KHDRBS1: variants seen among roughly 807,000 people sequenced by gnomAD.
KHDRBS1 encodes KH RNA binding domain containing, signal transduction associated 1.
Under a neutral mutation model 48.4 loss-of-function variants are expected in KHDRBS1, and 7 were observed. That is an observed-to-expected ratio of 0.14 (90% CI 0.08 to 0.27). KHDRBS1 has a LOEUF of 0.27. KHDRBS1 is among the 10% of genes least tolerant of loss of function. The pLI, the probability that KHDRBS1 is intolerant of heterozygous loss-of-function variation, is 1.00. For synonymous variants in KHDRBS1, 241 were observed against 235.8 expected (o/e 1.02, Z -0.20); for missense variants, 458 against 601.2 (o/e 0.76, Z 2.49).
At chr1:32,023,977 C>T (rs952045208) in intron 1 of KHDRBS1, among the ~76,000 whole-genome samples, 10 of 152,186 alleles carry the variant, frequency 6.6e-5, no homozygotes, top group South Asian at 4.1e-4. Flanking sequence ...AGAGGCCTGG[C>T]GCGGTGGCTC....
At chr1:32,047,740 G>A (rs996881153), downstream of KHDRBS1, among the ~76,000 whole-genome samples, 4 of 152,118 alleles carry the variant, frequency 2.6e-5, no homozygotes, top group Admixed American at 2.0e-4. Context: ...CAATTTTAAA[G>A]TGTACAATGC....
rs779184810 is a variant in KHDRBS1 at position 32,018,719 on chromosome 1, T to TGCACTCCA, written c.382+4345_382+4352dup. Among the ~76,000 whole-genome samples the TGCACTCCA allele has an allele frequency of 1.9e-3, 277 of 149,708 alleles. 2 individuals carry two copies. Among genetic ancestry groups the TGCACTCCA allele is most frequent in the Non-Finnish European group, 2.8e-3 (188 of 67,490 alleles). On this transcript the variant is annotated intron_variant, in intron 1 of 8. Coordinates refer to ENST00000327300, the MANE Select transcript of KHDRBS1 (RefSeq NM_006559.3). The stretch of plus-strand genomic sequence containing the variant: ...TTGCAGTGAGCCGAGATCGCGCCAC[T>TGCACTCCA]GCACTCCAGCCTGGGGGACAGAGTG...
In KHDRBS1 at chr1:32,036,983, G is replaced by A. The variant is rs748574978; in HGVS notation, c.845G>A (p.Arg282His). ...TTGAATGGAGTACCTGAACCCTCTC[G>A]TGGACGTGGGGTGCCAGTGAGAGGC... ...SYLNGVPEPS[R>H]GRGVPVRGRG... The change falls in exon 5 of 9, where the codon CGT becomes CAT. Residue 282 changes from arginine (R) to histidine (H), a missense_variant. This residue lies in a region of KHDRBS1 where 171 missense variants were observed against 228.7 expected (regional missense o/e 0.75). Transcript: ENST00000327300. 2.5e-6 allele frequency: 4 copies of A among 1,614,076 alleles called. No individual in the cohort carries two copies. The highest frequency in any genetic ancestry group is 2.2e-5 in the East Asian group (1 of 44,886).
chr1:32,015,399 T>C (rs575445615), intron 1 of KHDRBS1, among the ~76,000 whole-genome samples: 2 of 152,314 alleles, frequency 1.3e-5, no homozygotes, highest in East Asian at 3.9e-4. Context: ...ATTCACATCC[T>C]TCAACACTGA....
intron 1 of KHDRBS1, among the ~76,000 whole-genome samples, chr1:32,022,219 G>GCC (rs1285211828): frequency 6.6e-6 from 1 of 151,476 alleles, no homozygotes; most frequent in East Asian, 2.0e-4. Flanking sequence ...CACCATGTTG[G>GCC]CCAGGATAGT....
intron 1 of KHDRBS1, among the ~76,000 whole-genome samples, chr1:32,025,450 G>A (rs935851802): frequency 2.6e-5 from 4 of 151,264 alleles, no homozygotes; most frequent in Admixed American, 6.6e-5. Context: ...ACAGGCACAC[G>A]CCACCATGCC....
At position 32,037,859 on chromosome 1, in the gene KHDRBS1, G is replaced by C. The variant is rs1639212730; in HGVS notation, c.930G>C (p.Arg310=). 1 of 1,614,176 alleles carries C rather than the reference G, an allele frequency of 6.2e-7. No homozygotes were observed. Among genetic ancestry groups the C allele is most frequent in the African/African-American group, 1.3e-5 (1 of 75,056 alleles). The part of the protein sequence containing the change: ...VPRGRGVGPP[R]GALVRGTPVR... ...GGGGCCGTGGTGTTGGACCACCTCGGGGGGCTTTGGTACGTGGTACACCAG... is the reference window on the plus strand; with the variant it reads ...GGGGCCGTGGTGTTGGACCACCTCGCGGGGCTTTGGTACGTGGTACACCAG... The change falls in exon 6 of 9, where the codon CGG becomes CGC. Residue 310 remains arginine (R), a synonymous_variant. Transcript: ENST00000327300.
At chr1:32,023,369 T>G (rs184046621) in intron 1 of KHDRBS1, among the ~76,000 whole-genome samples, 1 of 152,326 alleles carries the variant, frequency 6.6e-6, no homozygotes. Context: ...GTTATATAGC[T>G]TTTCTGAGCC....
At chr1:32,034,858 G>A (rs987926708) in intron 4 of KHDRBS1, among the ~76,000 whole-genome samples, 2 of 151,936 alleles carry the variant, frequency 1.3e-5, no homozygotes, top group East Asian at 1.9e-4. Context: ...GCAGGCGCCT[G>A]TAGTCCCAGC....
chr1:32,016,321 T>C (rs534068815), intron 1 of KHDRBS1, among the ~76,000 whole-genome samples: 105 of 152,210 alleles, frequency 6.9e-4, no homozygotes, highest in African/African-American at 2.4e-3. Context: ...TCCTCACTTA[T>C]ACAGATGAGG....
chr1:32,032,256 C>T (rs1314355948), intron 3 of KHDRBS1, among the ~76,000 whole-genome samples: 1 of 152,192 alleles, frequency 6.6e-6, no homozygotes, highest in African/African-American at 2.4e-5. Context: ...CTGGGGTCAC[C>T]TTATTTGATG....
chr1:32,030,902 G>T (rs1391054390), intron 2 of KHDRBS1, among the ~76,000 whole-genome samples: 2 of 151,188 alleles, frequency 1.3e-5, no homozygotes, highest in Non-Finnish European at 2.9e-5. Flanking sequence ...TTATCAAAGG[G>T]TGCTATATAG....
At chr1:32,023,043 T>C (rs1272988152) in intron 1 of KHDRBS1, among the ~76,000 whole-genome samples, 2 of 152,202 alleles carry the variant, frequency 1.3e-5, no homozygotes, top group Admixed American at 1.3e-4. Context: ...TCTCTTTTTT[T>C]CTTACTATTT....
At chr1:32,020,173 G>T (rs1351246928) in intron 1 of KHDRBS1, among the ~76,000 whole-genome samples, 9 of 152,064 alleles carry the variant, frequency 5.9e-5, no homozygotes, top group Admixed American at 5.9e-4. Flanking sequence ...ACTTTGGGAG[G>T]CCAAGGTGAG....
downstream of KHDRBS1, among the ~76,000 whole-genome samples, chr1:32,047,017 T>A (rs1158635443): frequency 6.6e-6 from 1 of 152,188 alleles, no homozygotes; most frequent in Non-Finnish European, 1.5e-5. Flanking sequence ...GGGAAACCTT[T>A]CATTTGGACT....
chr1:32,014,488 T>TC, intron 1 of KHDRBS1, 111 bp downstream of exon 1: 1 of 1,067,658 alleles, frequency 9.4e-7, no homozygotes, highest in South Asian at 3.5e-5. Flanking sequence ...AGTCGGGAGT[T>TC]CCGGTCTCAT....
In KHDRBS1 at chr1:32,033,082, T is replaced by C. The variant is rs548365132; in HGVS notation, c.625-106T>C. 49 of 792,412 alleles carry C rather than the reference T, an allele frequency of 6.2e-5. 1 individual carries two copies. In the East Asian group the frequency reaches 1.1e-3, roughly 19 times the overall value. The allele number at this position is 792,412 out of a possible 1,614,324, so 49.1% of individuals were successfully genotyped here. A position where few individuals can be genotyped will look rare whatever the true frequency, so the allele number is the denominator to read the frequency against. On this transcript the variant is annotated intron_variant, in intron 3 of 8. Transcript: ENST00000327300. ...AGCTCATACCAATTAACTTTACTGT[T>C]TTTCATGGACATTAGGGGTATTTCT... is the stretch of plus-strand genomic sequence containing the variant.
chr1:32,025,034 G>T (rs1638936238), intron 1 of KHDRBS1, among the ~76,000 whole-genome samples: 1 of 151,824 alleles, frequency 6.6e-6, no homozygotes, highest in Non-Finnish European at 1.5e-5. Context: ...TTGGGAGGCC[G>T]AAGTGGAAGG....
intron 7 of KHDRBS1, 25 bp downstream of exon 7, chr1:32,038,644 T>G (rs372327430): frequency 1.9e-6 from 3 of 1,609,430 alleles, no homozygotes; most frequent in Admixed American, 1.7e-5. Context: ...ATAAGCACTG[T>G]TTTTTGTCCT....
Sources: gnomAD v4.1 joint callset for allele counts (sites outside exome capture counted in the v4.1 genomes callset) on GRCh38, gnomAD v4.1.1 for gene constraint, gnomAD v4.1.1 regional missense constraint, MANE v1.5 for transcripts, NCBI Gene and HGNC (gene_info 2026-07-23, HGNC 2026-07-21) for gene names.